ARB2A: variants seen among roughly 807,000 people sequenced by gnomAD.
ARB2A encodes the protein cotranscriptional regulator ARB2A.
At chr5:93,678,539 T>G in the ARB2A span, among the ~76,000 whole-genome samples, 3 of 152,272 alleles carry the variant, frequency 2.0e-5, no homozygotes, top group South Asian at 6.2e-4. Context: ...GTGGATCACT[T>G]GAGGTCAGGA....
chr5:94,085,870 C>G, the ARB2A span, among the ~76,000 whole-genome samples: 1 of 152,104 alleles, frequency 6.6e-6, no homozygotes, highest in African/African-American at 2.4e-5. Context: ...AGCGAGGAAA[C>G]CAAATCTTAG....
the ARB2A span, among the ~76,000 whole-genome samples, chr5:93,694,305 G>A: frequency 5.9e-5 from 9 of 152,076 alleles, no homozygotes; most frequent in South Asian, 1.2e-3. Flanking sequence ...TTTCAGCCCC[G>A]AATCCCCTTA....
the ARB2A span, among the ~76,000 whole-genome samples, chr5:93,937,961 T>G: frequency 2.0e-5 from 3 of 152,196 alleles, 1 homozygote; most frequent in African/African-American, 7.2e-5. Context: ...AATTTTTTTT[T>G]GAGTATTTTG....
the ARB2A span, among the ~76,000 whole-genome samples, chr5:93,744,362 G>A: frequency 1.3e-5 from 2 of 148,590 alleles, no homozygotes; most frequent in East Asian, 2.0e-4. Context: ...TTGAACCCGG[G>A]AGGCGGAGGT....
chr5:93,905,807 A>G, the ARB2A span, among the ~76,000 whole-genome samples: 1 of 151,660 alleles, frequency 6.6e-6, no homozygotes, highest in Non-Finnish European at 1.5e-5. Context: ...AGATTTCAAT[A>G]GAATTATTGG....
chr5:93,966,866 A>T, the ARB2A span, among the ~76,000 whole-genome samples: 1 of 152,142 alleles, frequency 6.6e-6, no homozygotes, highest in African/African-American at 2.4e-5. Context: ...ACATCTACTT[A>T]TAGAACACTA....
At chr5:93,848,410 A>C in the ARB2A span, among the ~76,000 whole-genome samples, 1 of 151,666 alleles carries the variant, frequency 6.6e-6, no homozygotes, top group Admixed American at 6.6e-5. Flanking sequence ...AAAGAAAAAG[A>C]GATATTGACT....
the ARB2A span, among the ~76,000 whole-genome samples, chr5:93,691,128 G>A: frequency 6.6e-6 from 1 of 152,006 alleles, no homozygotes. Context: ...TCCTCCAAAT[G>A]ATCACAACTC....
chr5:93,862,347 A>G, the ARB2A span: 2 of 152,236 alleles, frequency 1.3e-5, no homozygotes, highest in African/African-American at 4.8e-5. Context: ...TCTGTGCAAT[A>G]TACTACAATC....
chr5:93,987,700 T>C, the ARB2A span, among the ~76,000 whole-genome samples: 2 of 152,222 alleles, frequency 1.3e-5, no homozygotes, highest in Non-Finnish European at 2.9e-5. Flanking sequence ...GTCCTCCATT[T>C]AGAGCTGCTT....
the ARB2A span, among the ~76,000 whole-genome samples, chr5:93,761,072 G>C: frequency 3.9e-5 from 6 of 151,966 alleles, no homozygotes; most frequent in South Asian, 2.1e-4. Context: ...ACAATCCCGG[G>C]GGGTGGAGCC....
At chr5:93,706,564 T>G in the ARB2A span, among the ~76,000 whole-genome samples, 1 of 152,150 alleles carries the variant, frequency 6.6e-6, no homozygotes, top group Non-Finnish European at 1.5e-5. Flanking sequence ...TATGTGTATT[T>G]CCATAAAAAT....
At chr5:94,005,459 C>T in the ARB2A span, among the ~76,000 whole-genome samples, 15 of 152,118 alleles carry the variant, frequency 9.9e-5, no homozygotes, top group Admixed American at 2.0e-4. Context: ...CCAGCCACCT[C>T]GGCCTCCCAA....
the ARB2A span, among the ~76,000 whole-genome samples, chr5:93,996,387 G>A: frequency 6.6e-5 from 10 of 151,980 alleles, no homozygotes; most frequent in Non-Finnish European, 1.5e-4. Context: ...TGAACAGGGG[G>A]CTTTTTGAAC....
At chr5:94,082,351 G>T in the ARB2A span, among the ~76,000 whole-genome samples, 3 of 151,990 alleles carry the variant, frequency 2.0e-5, no homozygotes, top group South Asian at 6.2e-4. Flanking sequence ...TTATTATTTT[G>T]ATCATTATCA....
the ARB2A span, among the ~76,000 whole-genome samples, chr5:93,820,973 A>C: frequency 1.5e-4 from 23 of 152,266 alleles, no homozygotes; most frequent in South Asian, 4.6e-3. Context: ...GTTAGATCTA[A>C]TCAAGTTCTA....
At chr5:93,782,048 ATCT>A in the ARB2A span, 1 of 383,386 alleles carries the variant, frequency 2.6e-6, no homozygotes, top group Admixed American at 6.4e-5. Context: ...CCACACTGTA[ATCT>A]TCTCTACAAG....
the ARB2A span, among the ~76,000 whole-genome samples, chr5:93,963,200 A>G: frequency 3.3e-5 from 5 of 152,156 alleles, no homozygotes; most frequent in Non-Finnish European, 7.4e-5. Context: ...TTCAATATAT[A>G]CTTTAAATGA....
chr5:93,886,578 A>G, the ARB2A span, among the ~76,000 whole-genome samples: 2 of 151,646 alleles, frequency 1.3e-5, no homozygotes, highest in Admixed American at 6.6e-5. Flanking sequence ...CAAGAAGGGT[A>G]TGTATATGTC....
Sources: allele counts gnomAD v4.1 joint callset (sites outside exome capture counted in the v4.1 genomes callset), GRCh38; gene constraint gnomAD v4.1.1; transcripts MANE v1.5; gene names NCBI Gene and HGNC (gene_info 2026-07-23, HGNC 2026-07-21).